WWOX: variants seen among roughly 807,000 people sequenced by gnomAD.
The protein encoded by WWOX is WW domain-containing oxidoreductase.
A neutral mutation model predicts 46.2 loss-of-function variants in WWOX; 69 were observed. That is an observed-to-expected ratio of 1.49 (90% CI 1.23 to 1.82). The LOEUF (loss-of-function observed/expected upper bound fraction) is 1.82. Among genes scored for constraint, WWOX ranks in the 40% most tolerant of loss-of-function variants. WWOX has a pLI of 0.00. For missense variants in WWOX, 919 were observed against 542.6 expected, an observed-to-expected ratio of 1.69 and a Z score of -6.89; for synonymous variants, 359 against 202.6, an observed-to-expected ratio of 1.77 and a Z score of -6.56.
At chr16:78,137,341 G>C (rs1156912527) in intron 4 of WWOX, among the ~76,000 whole-genome samples, 2 of 152,116 alleles carry the variant, frequency 1.3e-5, no homozygotes, top group Non-Finnish European at 2.9e-5. Flanking sequence ...TGCCAATTCT[G>C]GGGCCTGGCA....
At chr16:78,610,680 T>C (rs2045880193) in intron 8 of WWOX, among the ~76,000 whole-genome samples, 1 of 152,140 alleles carries the variant, frequency 6.6e-6, no homozygotes, top group African/African-American at 2.4e-5. Context: ...GGGTGCTAGT[T>C]TTTATATTAG....
At chr16:78,266,679 A>C (rs185341085) in intron 5 of WWOX, among the ~76,000 whole-genome samples, 144 of 152,248 alleles carry the variant, frequency 9.5e-4, no homozygotes, top group Non-Finnish European at 1.8e-3. Flanking sequence ...ATGAGTATCC[A>C]CTACCTTGGG....
chr16:78,885,728 G>C (rs1466705477), intron 8 of WWOX, among the ~76,000 whole-genome samples: 1 of 152,060 alleles, frequency 6.6e-6, no homozygotes, highest in Non-Finnish European at 1.5e-5. Context: ...AATGGCAGAA[G>C]ATGAAGGGGG....
At chr16:78,726,909 G>A (rs796863825) in intron 8 of WWOX, among the ~76,000 whole-genome samples, 20 of 152,290 alleles carry the variant, frequency 1.3e-4, no homozygotes, top group East Asian at 5.8e-4. Flanking sequence ...TATCATTTCC[G>A]TGGGTGGCTC....
At chr16:78,669,429 A>G (rs1243046996) in intron 8 of WWOX, among the ~76,000 whole-genome samples, 2 of 152,194 alleles carry the variant, frequency 1.3e-5, no homozygotes, top group Non-Finnish European at 2.9e-5. Context: ...TGTCTGGGAT[A>G]TTTTTTAGTT....
At chr16:78,437,302 A>G (rs1394579633) in intron 8 of WWOX, among the ~76,000 whole-genome samples, 1 of 152,194 alleles carries the variant, frequency 6.6e-6, no homozygotes, top group Non-Finnish European at 1.5e-5. Context: ...GAGTCGGGCT[A>G]TTTTAAGTGC....
intron 8 of WWOX, among the ~76,000 whole-genome samples, chr16:78,736,763 C>G (rs980582119): frequency 2.0e-5 from 3 of 152,034 alleles, no homozygotes; most frequent in Non-Finnish European, 4.4e-5. Context: ...CCACATCTGA[C>G]TAATTACTAA....
rs1428848098 is a variant in WWOX, at chr16:79,094,865, G to A, written c.1057-116743G>A. On this transcript the variant is annotated intron_variant, in intron 8 of 8. Transcript: ENST00000566780. Reference sequence around the variant, plus strand: ...TATTGAGCCAACAGGTTTACACTGTGTCTACCCCAGAGTGTCATCAGCCCA... The same window carrying A: ...TATTGAGCCAACAGGTTTACACTGTATCTACCCCAGAGTGTCATCAGCCCA... 2.0e-5 allele frequency among the ~76,000 whole-genome samples: 3 copies of A among 152,138 alleles called. No homozygotes were observed. In the East Asian group the frequency reaches 5.8e-4, roughly 29 times the overall value.
rs536209049 is a variant in WWOX, at chr16:78,141,642, C to T, written c.410-22541C>T. Among the ~76,000 whole-genome samples, 32 of 152,176 alleles carry T rather than the reference C, an allele frequency of 2.1e-4. 1 individual carries two copies. The highest frequency in any genetic ancestry group is 4.6e-4 in the Non-Finnish European group (31 of 67,996). On this transcript the variant is annotated intron_variant, in intron 4 of 8. Transcript: ENST00000566780. ...TAGTAGCAGTTACGTAGACATACTT[C>T]CATTAAATACACATACTTGCTTTAG...
rs371850412 is a variant in WWOX at position 79,041,668 on chromosome 16, C to T, written c.1057-169940C>T. On this transcript the variant is annotated intron_variant, in intron 8 of 8. Transcript: ENST00000566780. ...CAAGAGCCATCCCACCTCAGAAAGA[C>T]AGAAGCCATCACTGCAAATGGCAAG... Among the ~76,000 whole-genome samples, 12 of 152,234 alleles carry T rather than the reference C, an allele frequency of 7.9e-5. No individual in the cohort carries two copies. In the South Asian group the frequency reaches 2.1e-3, roughly 26 times the overall value.
intron 8 of WWOX, among the ~76,000 whole-genome samples, chr16:78,871,879 A>C (rs1332832572): frequency 6.6e-6 from 1 of 152,188 alleles, no homozygotes; most frequent in Non-Finnish European, 1.5e-5. Flanking sequence ...CTGGGATTAC[A>C]GGTGTGAGCC....
chr16:78,930,373 G>T (rs1416384014), intron 8 of WWOX, among the ~76,000 whole-genome samples: 1 of 150,278 alleles, frequency 6.7e-6, no homozygotes, highest in Non-Finnish European at 1.5e-5. Context: ...AACCTCCTGG[G>T]CTCAGGCGAT....
chr16:78,479,059 A>G (rs2084424518), intron 8 of WWOX, among the ~76,000 whole-genome samples: 1 of 152,228 alleles, frequency 6.6e-6, no homozygotes, highest in African/African-American at 2.4e-5. Flanking sequence ...TTCCTAAAAT[A>G]TAAGTAAGTC....
chr16:78,828,975 G>T (rs548711324), intron 8 of WWOX, among the ~76,000 whole-genome samples: 62 of 152,208 alleles, frequency 4.1e-4, no homozygotes, highest in Non-Finnish European at 8.5e-4. Flanking sequence ...ACACAGCCAT[G>T]AATGGCAAAG....
intron 8 of WWOX, among the ~76,000 whole-genome samples, chr16:79,118,561 G>A (rs1052492824): frequency 6.6e-6 from 1 of 152,158 alleles, no homozygotes; most frequent in African/African-American, 2.4e-5. Flanking sequence ...AAAAAACACA[G>A]TATTTGCAAA....
intron 3 of WWOX, 79 bp downstream of exon 3, chr16:78,109,914 A>G: frequency 3.4e-6 from 5 of 1,449,662 alleles, no homozygotes; most frequent in East Asian, 2.4e-5. Flanking sequence ...AATACATAGT[A>G]ACTGTAGAAA....
intron 5 of WWOX, among the ~76,000 whole-genome samples, chr16:78,278,063 A>G (rs537328912): frequency 7.6e-4 from 116 of 152,260 alleles, no homozygotes; most frequent in African/African-American, 2.6e-3. Context: ...ATCCCTTAAA[A>G]TGCATCCTCT....
chr16:78,558,553 G>A (rs1476877308), intron 8 of WWOX, among the ~76,000 whole-genome samples: 1 of 152,190 alleles, frequency 6.6e-6, no homozygotes, highest in Non-Finnish European at 1.5e-5. Context: ...TACCCATCAG[G>A]CCTGCTTCAC....
At chr16:78,750,564 G>T (rs1422301650) in intron 8 of WWOX, among the ~76,000 whole-genome samples, 2 of 151,800 alleles carry the variant, frequency 1.3e-5, no homozygotes, top group Admixed American at 6.6e-5. Flanking sequence ...ACTGAGATTT[G>T]GGCTTCAATT....
Sources: allele counts gnomAD v4.1 joint callset (sites outside exome capture counted in the v4.1 genomes callset), GRCh38; gene constraint gnomAD v4.1.1; transcripts MANE v1.5; gene names NCBI Gene and HGNC (gene_info 2026-07-23, HGNC 2026-07-21).